Variants in ADGRL3 observed in about 807,000 individuals in gnomAD.
The protein encoded by ADGRL3 is calcium-independent alpha-latrotoxin receptor 3.
In ADGRL3, 62 loss-of-function variants were observed where a neutral mutation model predicts 153.5. That is an observed-to-expected ratio of 0.40 (90% confidence interval 0.33 to 0.50). The LOEUF is 0.50. Among genes scored for constraint, ADGRL3 ranks in the 20% least tolerant of loss-of-function variants. The pLI, the probability that ADGRL3 is intolerant of heterozygous loss-of-function variation, is 0.47. For synonymous variants in ADGRL3, 710 were observed against 672.5 expected, an observed-to-expected ratio of 1.06 and a Z score of -0.86; for missense variants, 1,641 against 1,859.4, an observed-to-expected ratio of 0.88 and a Z score of 2.16.
In ADGRL3 at chr4:61,892,990, T is replaced by C. The variant is rs761540688; in HGVS notation, c.1783+32T>C. On this transcript the variant is annotated intron_variant, in intron 10 of 26. Transcript: ENST00000683033. ...CTGTGCTAAAGCACTAAGTTAAAAC[T>C]GTTGTGTTGCTTTGGCTTTATTTTC... The C allele has an allele frequency of 2.9e-6, 4 of 1,378,142 alleles. No individual in the cohort carries two copies. The East Asian group carries it at 1.1e-4, about 37-fold the overall frequency. The allele number at this position is 1,378,142 out of a possible 1,614,324, so 85.4% of individuals were successfully genotyped here.
chr4:61,682,794 A>G (rs1240206582), intron 6 of ADGRL3, among the ~76,000 whole-genome samples: 1 of 152,070 alleles, frequency 6.6e-6, no homozygotes, highest in African/African-American at 2.4e-5. Context: ...TCTCAACTAG[A>G]TTATATTACT....
intron 21 of ADGRL3, among the ~76,000 whole-genome samples, chr4:62,016,829 A>G (rs2099214386): frequency 1.3e-5 from 2 of 152,008 alleles, no homozygotes; most frequent in East Asian, 1.9e-4. Flanking sequence ...ACACGTCTAT[A>G]TCTTCTTTTG....
chr4:61,772,231 GA>G (rs1319946545), intron 8 of ADGRL3, among the ~76,000 whole-genome samples: 3 of 151,968 alleles, frequency 2.0e-5, no homozygotes, highest in African/African-American at 7.2e-5. Flanking sequence ...GACTGGATAG[GA>G]AAAAAAATCT....
intron 6 of ADGRL3, among the ~76,000 whole-genome samples, chr4:61,701,087 C>G (rs2095749863): frequency 6.6e-6 from 1 of 151,882 alleles, no homozygotes; most frequent in African/African-American, 2.4e-5. Flanking sequence ...ATTTTGAGAG[C>G]AGTAGAAATG....
At chr4:61,962,744 C>T (rs1446740009) in intron 17 of ADGRL3, among the ~76,000 whole-genome samples, 2 of 152,096 alleles carry the variant, frequency 1.3e-5, no homozygotes, top group East Asian at 1.9e-4. Flanking sequence ...TTACATTGTA[C>T]AGAAACATTG....
chr4:61,847,857 T>C (rs1277047641), intron 9 of ADGRL3, among the ~76,000 whole-genome samples: 1 of 19,358 alleles, frequency 5.2e-5, no homozygotes, highest in African/African-American at 1.4e-4. Context: ...AAATATATTA[T>C]ATATAATATA....
At chr4:61,227,498 G>A (rs1303222222) in intron 1 of ADGRL3, among the ~76,000 whole-genome samples, 2 of 152,080 alleles carry the variant, frequency 1.3e-5, no homozygotes, top group East Asian at 1.9e-4. Context: ...TATAAGCCAT[G>A]GTGCCCAGCC....
intron 17 of ADGRL3, among the ~76,000 whole-genome samples, chr4:61,968,047 T>C (rs1281259489): frequency 6.6e-6 from 1 of 152,178 alleles, no homozygotes; most frequent in African/African-American, 2.4e-5. Context: ...ATTAATCCAT[T>C]CATTAGGGCA....
At chr4:61,871,003 G>A (rs2098440351) in intron 9 of ADGRL3, among the ~76,000 whole-genome samples, 1 of 152,196 alleles carries the variant, frequency 6.6e-6, no homozygotes, top group African/African-American at 2.4e-5. Context: ...CGGGGGCCGG[G>A]CACGGTGGCT....
intron 1 of ADGRL3, among the ~76,000 whole-genome samples, chr4:61,255,988 A>T (rs2091923514): frequency 6.6e-6 from 1 of 152,200 alleles, no homozygotes; most frequent in African/African-American, 2.4e-5. Flanking sequence ...CCCCTCCCCA[A>T]TCTTTTAAGT....
rs368199700 is a variant in ADGRL3, at chr4:61,757,871, G to C, written c.1399+24317G>C. Among the ~76,000 whole-genome samples, 711 of 152,152 alleles carry C rather than the reference G, an allele frequency of 4.7e-3. 8 individuals carry two copies. Among genetic ancestry groups the C allele is most frequent in the African/African-American group, 0.016 (671 of 41,502 alleles). The stretch of plus-strand genomic sequence containing the variant: ...ACATCTTTATTTCTGCCTTCATTTC[G>C]TTATGTACCCAGTAGTCATTCAGGA... On this transcript the variant is annotated intron_variant, in intron 8 of 26. Transcript: ENST00000683033.
intron 3 of ADGRL3, among the ~76,000 whole-genome samples, chr4:61,502,527 T>C (rs536190588): frequency 1.3e-5 from 2 of 152,070 alleles, no homozygotes; most frequent in East Asian, 3.9e-4. Flanking sequence ...AAGTTGCATC[T>C]GTATTTATAT....
At chr4:62,014,089 CAGA>C (rs1254251059) in intron 21 of ADGRL3, among the ~76,000 whole-genome samples, 6 of 151,850 alleles carry the variant, frequency 4.0e-5, no homozygotes, top group South Asian at 2.1e-4. Flanking sequence ...GATGGAGAGA[CAGA>C]AGAAGAAGAG....
At chr4:61,504,859 T>C (rs1441601639) in intron 3 of ADGRL3, among the ~76,000 whole-genome samples, 3 of 152,244 alleles carry the variant, frequency 2.0e-5, no homozygotes, top group Admixed American at 6.5e-5. Context: ...CATTCATTCA[T>C]TGATGGACAC....
At chr4:61,561,665 A>G (rs1458642114) in intron 4 of ADGRL3, among the ~76,000 whole-genome samples, 2 of 152,136 alleles carry the variant, frequency 1.3e-5, no homozygotes, top group African/African-American at 4.8e-5. Flanking sequence ...ACATGTTTCT[A>G]TTAGGAAACA....
intron 8 of ADGRL3, among the ~76,000 whole-genome samples, chr4:61,783,351 C>A (rs1011515375): frequency 2.0e-5 from 3 of 152,028 alleles, no homozygotes; most frequent in Non-Finnish European, 4.4e-5. Flanking sequence ...TTCCCATAGA[C>A]CTTCAGAGGT....
At chr4:61,755,780 T>G (rs542198904) in intron 8 of ADGRL3, among the ~76,000 whole-genome samples, 91 of 152,220 alleles carry the variant, frequency 6.0e-4, no homozygotes, top group Admixed American at 1.9e-3. Context: ...TTAATCCATC[T>G]TGAATTAATT....
chr4:61,977,754 A>G (rs1166438703), intron 17 of ADGRL3, among the ~76,000 whole-genome samples: 9 of 152,182 alleles, frequency 5.9e-5, no homozygotes. Flanking sequence ...GAAAACCTGG[A>G]TATGTGTTTT....
chr4:61,547,147 A>C, intron 4 of ADGRL3, among the ~76,000 whole-genome samples: 1 of 152,266 alleles, frequency 6.6e-6, no homozygotes, highest in Middle Eastern at 3.4e-3. Flanking sequence ...TAATAAATTT[A>C]ATGTACATTT....
Sources: gnomAD v4.1 joint callset for allele counts (sites outside exome capture counted in the v4.1 genomes callset) on GRCh38, gnomAD v4.1.1 for gene constraint, MANE v1.5 for transcripts, NCBI Gene and HGNC (gene_info 2026-07-23, HGNC 2026-07-21) for gene names.